PRKAB1: variants seen among roughly 807,000 people sequenced by gnomAD.
PRKAB1 encodes the protein 5'-AMP-activated protein kinase subunit beta-1.
Under a neutral mutation model 32.0 loss-of-function variants are expected in PRKAB1, and 18 were observed. That is an observed-to-expected ratio of 0.56 (90% CI 0.39 to 0.83). The LOEUF (loss-of-function observed/expected upper bound fraction) is 0.83. PRKAB1 is among the 40% of genes least tolerant of loss of function. The pLI, the probability that PRKAB1 is intolerant of heterozygous loss-of-function variation, is 0.00. For missense variants in PRKAB1, 263 were observed against 352.6 expected, an observed-to-expected ratio of 0.75 and a Z score of 2.03; for synonymous variants, 141 against 141.4, an observed-to-expected ratio of 1.00 and a Z score of 0.02.
intron 2 of PRKAB1, chr12:119,673,697 C>T (rs958322105): frequency 1.2e-5 from 4 of 324,652 alleles, no homozygotes; most frequent in African/African-American, 8.6e-5. Flanking sequence ...AAATGCCTGA[C>T]TGTTGACCTT....
chr12:119,679,226 G>A lies in PRKAB1; in HGVS notation c.667-707G>A, dbSNP rs967696378. ...CAGGCTTGGCTGGTGCCAGATCCTT[G>A]GTAGTTGGTGCTCTCAGCAGCCACC... is the stretch of plus-strand genomic sequence containing the variant. On this transcript the variant is annotated intron_variant, in intron 5 of 6. Coordinates refer to ENST00000229328, the MANE Select transcript of PRKAB1 (RefSeq NM_006253.5). The surrounding 1 kb of genome is among the most constrained non-coding windows in gnomAD (Gnocchi z 4.1). 1 of 152,292 alleles carries A rather than the reference G, an allele frequency of 6.6e-6. No homozygotes were observed. The highest frequency in any genetic ancestry group is 2.4e-5 in the African/African-American group (1 of 41,454). The allele number at this position is 152,292 out of a possible 1,614,324, so 9.4% of individuals were successfully genotyped here. A position where few individuals can be genotyped will look rare whatever the true frequency, so the allele number is the denominator to read the frequency against.
chr12:119,669,316 G>A (rs376863179), intron 1 of PRKAB1: 2 of 141,090 alleles, frequency 1.4e-5, no homozygotes, highest in South Asian at 4.6e-4. Context: ...CGCCCAGGCT[G>A]GAGTGCAGTG....
intron 4 of PRKAB1, 145 bp from the exon 5 acceptor site, chr12:119,676,392 C>A: frequency 9.2e-7 from 1 of 1,084,380 alleles, no homozygotes; most frequent in Non-Finnish European, 1.3e-6. Context: ...ATTCTGCACT[C>A]TTGGAACCAG....
In PRKAB1 at chr12:119,668,270, C is replaced by A; in HGVS notation, c.26C>A (p.Ala9Asp). The change falls in exon 1 of 7, where the codon GCC becomes GAC. Residue 9 changes from alanine (A) to aspartate (D), a missense_variant. Ala to Asp is a moderately radical substitution (Grantham distance 126). Coordinates refer to ENST00000229328, the MANE Select transcript of PRKAB1 (RefSeq NM_006253.5). MGNTSSER[A>D]ALERHGGHKT... is the part of the protein sequence containing the mutation. ...ATGGGCAATACCAGCAGTGAGCGCG[C>A]CGCGCTGGAGCGGCATGGTGGCCAT... 6.2e-7 allele frequency: 1 copy of A among 1,607,098 alleles called. No homozygotes were observed. The highest frequency in any genetic ancestry group is 8.5e-7 in the Non-Finnish European group (1 of 1,177,528).
At position 119,674,117 on chromosome 12, in the gene PRKAB1, C is replaced by T; in HGVS notation, c.417+60C>T. On this transcript the variant is annotated intron_variant, in intron 3 of 6. Transcript: ENST00000229328. This position sits in a 1 kb window ranked among gnomAD's most constrained non-coding sequence, Gnocchi z 4.3. ...CCGCACATTCCAAACAAATCACCTT[C>T]CCAAGAGATTGCCGCTAGGTCCCTT... 1 of 1,495,454 alleles carries T rather than the reference C, an allele frequency of 6.7e-7. No homozygotes were observed. Among genetic ancestry groups the T allele is most frequent in the Middle Eastern group, 1.8e-4 (1 of 5,418 alleles). The allele number at this position is 1,495,454 out of a possible 1,614,324, so 92.6% of individuals were successfully genotyped here.
At position 119,680,004 on chromosome 12, in the gene PRKAB1, A is replaced by G. The variant is rs1285124424; in HGVS notation, c.735+3A>G. On this transcript the variant is annotated splice_donor_region_variant and intron_variant, in intron 6 of 6. Coordinates refer to ENST00000229328, the MANE Select transcript of PRKAB1 (RefSeq NM_006253.5). ...ACCTATACGCGCTGTCTATCAAGGTAATGACATGTCTGTCCCCATGAGAGC... is the reference window on the plus strand; with the variant it reads ...ACCTATACGCGCTGTCTATCAAGGTGATGACATGTCTGTCCCCATGAGAGC... The G allele has an allele frequency of 5.0e-6, 8 of 1,611,746 alleles. No individual in the cohort carries two copies. Among genetic ancestry groups the G allele is most frequent in the Non-Finnish European group, 6.8e-6 (8 of 1,177,912 alleles).
chr12:119,677,069 T>C (rs1383875234), intron 5 of PRKAB1, among the ~76,000 whole-genome samples: 1 of 152,240 alleles, frequency 6.6e-6, no homozygotes, highest in African/African-American at 2.4e-5. Context: ...TTGGGATATC[T>C]AGGTAACACA....
intron 2 of PRKAB1, among the ~76,000 whole-genome samples, 153 bp downstream of exon 2, chr12:119,672,617 T>C (rs1034434666): frequency 2.0e-5 from 3 of 152,082 alleles, no homozygotes; most frequent in Admixed American, 2.0e-4. Context: ...GTTCAAATGT[T>C]AAACCTTGGT....
At chr12:119,673,224 T>G (rs1161125367) in intron 2 of PRKAB1, among the ~76,000 whole-genome samples, 1 of 152,204 alleles carries the variant, frequency 6.6e-6, no homozygotes, top group Admixed American at 6.5e-5. Context: ...AGCAAGACTT[T>G]GTCTCCAAAA....
In PRKAB1 at chr12:119,672,380, C is replaced by T. The variant is rs755243236; in HGVS notation, c.239C>T (p.Thr80Met). The T allele has an allele frequency of 2.2e-5, 35 of 1,612,764 alleles. No homozygotes were observed. The highest frequency in any genetic ancestry group is 3.3e-4 in the Middle Eastern group (2 of 6,052). The change falls in exon 2 of 7, where the codon ACG (threonine) becomes ATG (methionine). Residue 80 changes from threonine (T) to methionine (M), a missense_variant. Transcript: ENST00000229328. ...AAAGCTCCCGCCCAGGCTCGGCCAA[C>T]GGTGTTTCGATGGACGGGGGGCGGA... is the stretch of plus-strand genomic sequence containing the variant. The part of the protein sequence containing the change: ...NDKAPAQARP[T>M]VFRWTGGGKE...
At position 119,672,364 on chromosome 12, in the gene PRKAB1, G is replaced by A. The variant is rs80330613; in HGVS notation, c.223G>A (p.Ala75Thr). 1.1e-3 allele frequency: 1,787 copies of A among 1,613,016 alleles called. 20 individuals are homozygous for A. In the African/African-American group the frequency reaches 0.021, roughly 19 times the overall value. The change falls in exon 2 of 7, where the codon GCC becomes ACC. Residue 75 changes from alanine (A) to threonine (T), a missense_variant. Physicochemically the swap from Ala to Thr is moderately conservative, Grantham distance 58. Coordinates refer to ENST00000229328, the MANE Select transcript of PRKAB1 (RefSeq NM_006253.5). ...TCTGGAAGTGAATGATAAAGCTCCC[G>A]CCCAGGCTCGGCCAACGGTGTTTCG... ...HDLEVNDKAP[A>T]QARPTVFRWT...
intron 4 of PRKAB1, among the ~76,000 whole-genome samples, chr12:119,675,299 A>G (rs1955415858): frequency 6.6e-6 from 1 of 152,254 alleles, no homozygotes. Context: ...AAGTTCTGCC[A>G]CCAGGATTTC....
At chr12:119,680,215 C>T (rs780432418) in intron 6 of PRKAB1, 33 bp from the exon 7 acceptor site, 1 of 1,602,344 alleles carries the variant, frequency 6.2e-7, no homozygotes, top group African/African-American at 1.3e-5. Context: ...GCCCCTTAGT[C>T]CAGCCTTTGA....
chr12:119,670,258 C>T (rs968886074), intron 1 of PRKAB1, among the ~76,000 whole-genome samples: 3 of 152,200 alleles, frequency 2.0e-5, no homozygotes, highest in Non-Finnish European at 2.9e-5. Flanking sequence ...TAAAGCTGCC[C>T]TCTGCCCAAC....
chr12:119,673,587 GC>G (rs903269773), intron 2 of PRKAB1, among the ~76,000 whole-genome samples: 1 of 152,186 alleles, frequency 6.6e-6, no homozygotes, highest in African/African-American at 2.4e-5. Flanking sequence ...CCCTTCTCCT[GC>G]CCAAGGCAAA....
chr12:119,678,231 G>A (rs1254447310), intron 5 of PRKAB1: 3 of 152,208 alleles, frequency 2.0e-5, no homozygotes, highest in Non-Finnish European at 4.4e-5. Flanking sequence ...TGTGGTTACA[G>A]TTGTCACTAC....
rs1279327568 is a variant in PRKAB1, at chr12:119,679,047, T to A, written c.667-886T>A. 1 of 152,274 alleles carries A rather than the reference T, an allele frequency of 6.6e-6. No homozygotes were observed. Among genetic ancestry groups the A allele is most frequent in the Non-Finnish European group, 1.5e-5 (1 of 68,060 alleles). The allele number at this position is 152,274 out of a possible 1,614,324, so 9.4% of individuals were successfully genotyped here. ...GCATGTTCTGCGTGTGTTGATGAGC[T>A]TGATTTAGCCATTCCACAATGTGTC... On this transcript the variant is annotated intron_variant, in intron 5 of 6. Coordinates refer to ENST00000229328, the MANE Select transcript of PRKAB1 (RefSeq NM_006253.5). This position sits in a 1 kb window ranked among gnomAD's most constrained non-coding sequence, Gnocchi z 4.1.
chr12:119,673,881 G>A (rs1955404558), intron 2 of PRKAB1, 83 bp from the exon 3 acceptor site: 11 of 1,155,674 alleles, frequency 9.5e-6, no homozygotes, highest in African/African-American at 3.1e-5. Flanking sequence ...ATGTGGAAAC[G>A]TTTTGTTCTG....
At chr12:119,675,601 C>G (rs1192978567) in intron 4 of PRKAB1, among the ~76,000 whole-genome samples, 1 of 152,206 alleles carries the variant, frequency 6.6e-6, no homozygotes, top group African/African-American at 2.4e-5. Context: ...CTCACTGATA[C>G]GAAGCTAATT....
Sources: allele counts gnomAD v4.1 joint callset (sites outside exome capture counted in the v4.1 genomes callset), GRCh38; gene constraint gnomAD v4.1.1; non-coding constraint Gnocchi (gnomAD v3.1); transcripts MANE v1.5; gene names NCBI Gene and HGNC (gene_info 2026-07-23, HGNC 2026-07-21).